Variants in SLC25A48 observed in about 807,000 individuals in gnomAD.
SLC25A48 encodes the protein CTC-321K16.1.
Under a neutral mutation model 32.2 loss-of-function variants are expected in SLC25A48, and 29 were observed. The observed-to-expected ratio is 0.90, with a 90% CI of 0.67 to 1.23. SLC25A48 has a LOEUF of 1.23. Among genes scored for constraint, SLC25A48 ranks in the 50% most tolerant of loss-of-function variants. SLC25A48 has a pLI of 0.00. For synonymous variants in SLC25A48, 164 were observed against 172.3 expected (o/e 0.95, Z 0.38); for missense variants, 399 against 422.7 (o/e 0.94, Z 0.49).
intron 1 of SLC25A48, among the ~76,000 whole-genome samples, chr5:135,591,663 C>G (rs547306571): frequency 6.6e-6 from 1 of 152,192 alleles, no homozygotes; most frequent in South Asian, 2.1e-4. Context: ...GAGTGCATAC[C>G]TCTGGGGCAG....
intron 3 of SLC25A48, among the ~76,000 whole-genome samples, chr5:135,715,577 G>A (rs192026999): frequency 2.0e-5 from 3 of 152,356 alleles, no homozygotes; most frequent in African/African-American, 7.2e-5. Flanking sequence ...GCTGTGACCG[G>A]TCAGAGGTGA....
intron 1 of SLC25A48, among the ~76,000 whole-genome samples, chr5:135,627,945 G>A (rs1752475111): frequency 6.6e-6 from 1 of 152,128 alleles, no homozygotes; most frequent in African/African-American, 2.4e-5. Flanking sequence ...TGAGATGAAG[G>A]ATACAGGCCC....
intron 3 of SLC25A48, among the ~76,000 whole-genome samples, chr5:135,796,804 T>C (rs919513178): frequency 8.6e-5 from 13 of 151,484 alleles, no homozygotes; most frequent in African/African-American, 3.2e-4. Flanking sequence ...AAGGATGATA[T>C]TACTCCTAAT....
At position 135,599,583 on chromosome 5, in the gene SLC25A48, G is replaced by A. The variant is rs537628273; in HGVS notation, c.-849+19986G>A. ...GCAGGAGTGGGCTGCTGGGGAAACC[G>A]AGGCTGGGAGTTGTGAGGCCCAGGC... On this transcript the variant is annotated intron_variant, in intron 1 of 10. Transcript: ENST00000646290. 1.8e-3 allele frequency among the ~76,000 whole-genome samples: 273 copies of A among 152,332 alleles called. 2 individuals are homozygous for A. The highest frequency in any genetic ancestry group is 6.4e-3 in the African/African-American group (265 of 41,576).
intron 3 of SLC25A48, among the ~76,000 whole-genome samples, chr5:135,654,285 A>G (rs1162649907): frequency 1.3e-5 from 2 of 152,200 alleles, no homozygotes; most frequent in East Asian, 3.8e-4. Context: ...CCAGTCTTGC[A>G]AGGTATGGTC....
intron 1 of SLC25A48, among the ~76,000 whole-genome samples, chr5:135,585,394 C>T (rs1751340956): frequency 6.6e-6 from 1 of 152,216 alleles, no homozygotes; most frequent in Admixed American, 6.5e-5. Flanking sequence ...CTGCACACAT[C>T]TGCCTGACTC....
At chr5:135,691,517 C>T (rs1580788581) in intron 3 of SLC25A48, among the ~76,000 whole-genome samples, 1 of 152,148 alleles carries the variant, frequency 6.6e-6, no homozygotes, top group East Asian at 1.9e-4. Flanking sequence ...TGTGCCTCTT[C>T]TTGGGCATTT....
In SLC25A48 at chr5:135,711,430, C is replaced by G. The variant is rs1580805117; in HGVS notation, c.-521+76474C>G. Among the ~76,000 whole-genome samples the G allele has an allele frequency of 2.0e-5, 3 of 152,228 alleles. No homozygotes were observed. In the East Asian group the frequency reaches 5.8e-4, roughly 29 times the overall value. ...CCATTCGTAGCTTCAAATATGAACC[C>G]CAGCCTCTGGGAGAAGAATTACAAG... On this transcript the variant is annotated intron_variant, in intron 3 of 10. Transcript: ENST00000646290.
intron 3 of SLC25A48, among the ~76,000 whole-genome samples, chr5:135,698,727 T>A (rs1203686278): frequency 6.6e-6 from 1 of 152,184 alleles, no homozygotes; most frequent in Admixed American, 6.5e-5. Flanking sequence ...AGTTTCTGGT[T>A]TTCATCCTCA....
intron 3 of SLC25A48, among the ~76,000 whole-genome samples, chr5:135,775,823 C>A (rs1338624409): frequency 6.6e-6 from 1 of 151,620 alleles, no homozygotes; most frequent in African/African-American, 2.4e-5. Context: ...TGCTATTACG[C>A]CCAATATCGT....
chr5:135,886,673 TGAGAGAGAGAGAGA>T (rs368347571), intron 7 of SLC25A48, among the ~76,000 whole-genome samples: 1 of 32,706 alleles, frequency 3.1e-5, no homozygotes, highest in Non-Finnish European at 7.1e-5. Flanking sequence ...TGTGTGTGTG[TGAGAGAGAGAGAGA>T]GAGAGAGAGA....
intron 3 of SLC25A48, among the ~76,000 whole-genome samples, chr5:135,786,576 G>A (rs958250533): frequency 7.2e-5 from 11 of 152,028 alleles, no homozygotes; most frequent in African/African-American, 2.7e-4. Flanking sequence ...ACTATAGGGG[G>A]ATGTTACTTC....
chr5:135,861,705 C>T (rs1344903936), intron 4 of SLC25A48, among the ~76,000 whole-genome samples: 2 of 152,240 alleles, frequency 1.3e-5, no homozygotes, highest in East Asian at 1.9e-4. Context: ...AAAGAGTTCT[C>T]TTTATTTAGG....
At chr5:135,666,091 G>T (rs1026635331) in intron 3 of SLC25A48, among the ~76,000 whole-genome samples, 1 of 152,162 alleles carries the variant, frequency 6.6e-6, no homozygotes, top group African/African-American at 2.4e-5. Flanking sequence ...CAGTGACAGA[G>T]GTGAACTGTC....
chr5:135,853,081 T>C (rs1760026767), intron 4 of SLC25A48, among the ~76,000 whole-genome samples: 1 of 152,244 alleles, frequency 6.6e-6, no homozygotes, highest in Non-Finnish European at 1.5e-5. Flanking sequence ...TATACTGTAG[T>C]CTAAGTGTGC....
chr5:135,593,123 C>A (rs1751566111), intron 1 of SLC25A48, among the ~76,000 whole-genome samples: 3 of 152,144 alleles, frequency 2.0e-5, no homozygotes, highest in Non-Finnish European at 2.9e-5. Flanking sequence ...AGCACACTCT[C>A]CAGGCTTTCA....
intron 3 of SLC25A48, among the ~76,000 whole-genome samples, chr5:135,691,126 G>A (rs1295156881): frequency 1.3e-5 from 2 of 152,184 alleles, no homozygotes; most frequent in Non-Finnish European, 1.5e-5. Flanking sequence ...CACACATTCA[G>A]CGCTTCTCGA....
chr5:135,811,658 C>T (rs999782991), intron 3 of SLC25A48, among the ~76,000 whole-genome samples: 1 of 152,036 alleles, frequency 6.6e-6, no homozygotes, highest in African/African-American at 2.4e-5. Context: ...TTACATAATA[C>T]AGCATATACC....
At chr5:135,753,940 A>G (rs574402309) in intron 3 of SLC25A48, among the ~76,000 whole-genome samples, 5 of 152,098 alleles carry the variant, frequency 3.3e-5, no homozygotes, top group Admixed American at 6.5e-5. Context: ...TGTATACCCA[A>G]TGTGACTTTA....
Sources: gnomAD v4.1 joint callset for allele counts (sites outside exome capture counted in the v4.1 genomes callset) on GRCh38, gnomAD v4.1.1 for gene constraint, MANE v1.5 for transcripts, NCBI Gene and HGNC (gene_info 2026-07-23, HGNC 2026-07-21) for gene names.